The following BAIAP2L1 variants were observed in gnomAD, a reference collection of about 807,000 sequenced individuals.
BAIAP2L1 encodes BAR/IMD domain-containing adapter protein 2-like 1.
Under a neutral mutation model 66.3 loss-of-function variants are expected in BAIAP2L1, and 35 were observed. The observed-to-expected ratio is 0.53, with a 90% CI of 0.40 to 0.70. The LOEUF is 0.70. Among genes scored for constraint, BAIAP2L1 ranks in the 30% least tolerant of loss-of-function variants. The pLI, the probability that BAIAP2L1 is intolerant of heterozygous loss-of-function variation, is 0.00. For missense variants in BAIAP2L1, 622 were observed against 656.9 expected, an observed-to-expected ratio of 0.95 and a Z score of 0.58; for synonymous variants, 269 against 248.7, an observed-to-expected ratio of 1.08 and a Z score of -0.77.
chr7:98,396,428 A>C (rs1803210315), intron 1 of BAIAP2L1, among the ~76,000 whole-genome samples: 1 of 152,198 alleles, frequency 6.6e-6, no homozygotes, highest in Non-Finnish European at 1.5e-5. Flanking sequence ...ACAGAATGAC[A>C]GAAAATTCCA....
intron 1 of BAIAP2L1, among the ~76,000 whole-genome samples, chr7:98,383,341 T>G (rs955831531): frequency 1.3e-5 from 2 of 149,866 alleles, no homozygotes; most frequent in African/African-American, 4.9e-5. Flanking sequence ...TGGAGTGCAA[T>G]GGTGCGATCT....
Position 98,292,934 on chromosome 7 carries a change from C to A in BAIAP2L1, c.*587G>T. 1 of 1,313,748 alleles carries A rather than the reference C, an allele frequency of 7.6e-7. No individual in the cohort carries two copies. The highest frequency in any genetic ancestry group is 9.7e-7 in the Non-Finnish European group (1 of 1,032,632). The allele number at this position is 1,313,748 out of a possible 1,614,324, so 81.4% of individuals were successfully genotyped here. On this transcript the variant is annotated 3_prime_UTR_variant, in exon 14 of 14. Coordinates refer to ENST00000005260, the MANE Select transcript of BAIAP2L1 (RefSeq NM_018842.5). ...TAAGGGCAGGCAAAGCGTCTTAGCA[C>A]TCTACAGCTCTGGCGTGGTTGGAGG...
At chr7:98,390,332 C>A (rs1374760950) in intron 1 of BAIAP2L1, among the ~76,000 whole-genome samples, 2 of 151,948 alleles carry the variant, frequency 1.3e-5, no homozygotes, top group Non-Finnish European at 2.9e-5. Context: ...TAGGAGATGG[C>A]GAATTTTAGC....
chr7:98,293,925 G>A lies in BAIAP2L1; in HGVS notation c.1460+149C>T, dbSNP rs565555378. ...CGTGGTCTAAAGTAGTTGGTAAAGC[G>A]AGCAGGGGGCTGCACTCCCCCATGG... is the stretch of plus-strand genomic sequence containing the variant. On this transcript the variant is annotated intron_variant, in intron 13 of 13. Transcript: ENST00000005260. The A allele has an allele frequency of 6.7e-4, 621 of 923,940 alleles. 4 individuals carry two copies. The highest frequency in any genetic ancestry group is 2.1e-3 in the Middle Eastern group (6 of 2,922). 57.2% of individuals were successfully genotyped at this position (923,940 alleles called of 1,614,324 possible).
At chr7:98,343,443 T>C (rs1267513893) in intron 3 of BAIAP2L1, among the ~76,000 whole-genome samples, 1 of 151,980 alleles carries the variant, frequency 6.6e-6, no homozygotes, top group African/African-American at 2.4e-5. Flanking sequence ...AGAGCCAGAC[T>C]CTGTCTCAAA....
At chr7:98,379,890 G>T (rs1313039338) in intron 1 of BAIAP2L1, among the ~76,000 whole-genome samples, 1 of 152,158 alleles carries the variant, frequency 6.6e-6, no homozygotes, top group Non-Finnish European at 1.5e-5. Context: ...ATTAGTGGTT[G>T]CCTGGAGCTG....
chr7:98,398,299 G>A (rs1351939160), intron 1 of BAIAP2L1, among the ~76,000 whole-genome samples: 1 of 152,084 alleles, frequency 6.6e-6, no homozygotes, highest in East Asian at 1.9e-4. Context: ...ACATCATGGG[G>A]CAGGGCTGGA....
At chr7:98,320,919 C>T (rs1306109033) in intron 3 of BAIAP2L1, among the ~76,000 whole-genome samples, 3 of 152,244 alleles carry the variant, frequency 2.0e-5, no homozygotes, top group African/African-American at 4.8e-5. Flanking sequence ...TGCAGTGGCA[C>T]GACCTTGGCT....
At chr7:98,302,503 C>T (rs529823059) in intron 12 of BAIAP2L1, among the ~76,000 whole-genome samples, 8 of 152,190 alleles carry the variant, frequency 5.3e-5, no homozygotes, top group Non-Finnish European at 1.2e-4. Flanking sequence ...CAGCAAAACA[C>T]AACAGTCAAA....
intron 3 of BAIAP2L1, among the ~76,000 whole-genome samples, chr7:98,324,113 A>C (rs1460819882): frequency 6.6e-6 from 1 of 152,094 alleles, no homozygotes; most frequent in African/African-American, 2.4e-5. Flanking sequence ...GAAACACACC[A>C]CTGTGCTGTG....
chr7:98,307,994 T>G, intron 9 of BAIAP2L1, 98 bp from the exon 10 acceptor site: 1 of 1,136,208 alleles, frequency 8.8e-7, no homozygotes, highest in South Asian at 1.2e-5. Context: ...GTTCTCATCT[T>G]GCCAACAATG....
chr7:98,329,504 G>GGATA (rs1801446691), intron 3 of BAIAP2L1, among the ~76,000 whole-genome samples: 1 of 152,104 alleles, frequency 6.6e-6, no homozygotes, highest in Admixed American at 6.6e-5. Context: ...AGGGGAGGTT[G>GGATA]GATAAGCTTC....
chr7:98,369,349 G>A lies in BAIAP2L1; in HGVS notation c.52-6917C>T, dbSNP rs902725749. On this transcript the variant is annotated intron_variant, in intron 1 of 13. Transcript: ENST00000005260. The stretch of plus-strand genomic sequence containing the variant: ...AATACAAAAATTTGCTGGGCACGGC[G>A]GTGGGTGCCTGTAGTCCCAGCTACT... Among the ~76,000 whole-genome samples, 12 of 152,216 alleles carry A rather than the reference G, an allele frequency of 7.9e-5. No individual in the cohort carries two copies. In the East Asian group the frequency reaches 1.2e-3, roughly 15 times the overall value.
intron 3 of BAIAP2L1, among the ~76,000 whole-genome samples, chr7:98,331,124 G>C (rs1257575705): frequency 2.0e-5 from 3 of 152,144 alleles, no homozygotes; most frequent in East Asian, 3.9e-4. Context: ...CAGCAGACTG[G>C]ACACGACCAA....
chr7:98,316,592 C>T (rs1801082847), intron 6 of BAIAP2L1, among the ~76,000 whole-genome samples: 1 of 152,152 alleles, frequency 6.6e-6, no homozygotes, highest in Non-Finnish European at 1.5e-5. Flanking sequence ...CCTTGGGTGG[C>T]CATCACCTCA....
intron 1 of BAIAP2L1, among the ~76,000 whole-genome samples, chr7:98,372,592 T>C (rs1347039328): frequency 6.6e-6 from 1 of 152,122 alleles, no homozygotes; most frequent in East Asian, 1.9e-4. Flanking sequence ...AAATTTTATA[T>C]ATTATTTTAT....
chr7:98,372,547 A>G (rs960030885), intron 1 of BAIAP2L1, among the ~76,000 whole-genome samples: 3 of 152,160 alleles, frequency 2.0e-5, no homozygotes, highest in Non-Finnish European at 4.4e-5. Context: ...CTAAGTAAAT[A>G]TGCAGTTCTG....
chr7:98,369,663 A>AT (rs71112146), intron 1 of BAIAP2L1, among the ~76,000 whole-genome samples: 1,287 of 103,812 alleles, frequency 0.012, 56 homozygotes, highest in African/African-American at 0.033. Context: ...TGATTTCCTA[A>AT]TTTTTTTTTT....
At chr7:98,395,065 C>T (rs762242991) in intron 1 of BAIAP2L1, among the ~76,000 whole-genome samples, 104 of 150,160 alleles carry the variant, frequency 6.9e-4, no homozygotes, top group Non-Finnish European at 1.2e-3. Flanking sequence ...GAGCCGAGAT[C>T]ACACCACTGC....
Sources: allele counts gnomAD v4.1 joint callset (sites outside exome capture counted in the v4.1 genomes callset), GRCh38; gene constraint gnomAD v4.1.1; transcripts MANE v1.5; gene names NCBI Gene and HGNC (gene_info 2026-07-23, HGNC 2026-07-21).